The following NTRK3 variants were observed in gnomAD, a reference collection of about 807,000 sequenced individuals.
NTRK3 encodes neurotrophic receptor tyrosine kinase 3.
NTRK3 carries 24 observed loss-of-function variants against 91.7 expected under a neutral mutation model. The ratio of observed to expected loss-of-function variants is 0.26; its 90% confidence interval spans 0.19 to 0.37. The LOEUF (loss-of-function observed/expected upper bound fraction) is 0.37, where lower values mean the gene tolerates loss of function less well. Ranked by LOEUF, NTRK3 falls within the 10% of genes least tolerant of loss-of-function variation. NTRK3 has a pLI of 1.00. For missense variants in NTRK3, 880 were observed against 1,068.9 expected (o/e 0.82, Z 2.46); for synonymous variants, 483 against 404.0 (o/e 1.20, Z -2.34).
intron 13 of NTRK3, among the ~76,000 whole-genome samples, chr15:88,092,554 G>T (rs2049120501): frequency 6.6e-6 from 1 of 152,170 alleles, no homozygotes; most frequent in African/African-American, 2.4e-5. Flanking sequence ...TGTCCCAATA[G>T]TATGAAGGTG....
At chr15:88,144,448 T>C (rs1250960857) in intron 6 of NTRK3, among the ~76,000 whole-genome samples, 8 of 151,938 alleles carry the variant, frequency 5.3e-5, no homozygotes, top group Admixed American at 2.0e-4. Context: ...GATGGTAACT[T>C]GTTTGTTTTT....
chr15:88,193,553 A>T (rs1407733350), intron 3 of NTRK3, among the ~76,000 whole-genome samples: 1 of 152,130 alleles, frequency 6.6e-6, no homozygotes, highest in African/African-American at 2.4e-5. Context: ...TCACCAAAGC[A>T]TGAGTTTTCT....
intron 13 of NTRK3, among the ~76,000 whole-genome samples, chr15:88,107,437 C>T (rs1385607621): frequency 4.6e-5 from 7 of 152,242 alleles, no homozygotes; most frequent in East Asian, 1.9e-4. Context: ...AGTGAAACCA[C>T]GTCTCAAAAA....
At chr15:88,033,216 A>ATATATATATATATATATATATATAT (rs1567262261) in intron 13 of NTRK3, among the ~76,000 whole-genome samples, 171 bp from the exon 14 acceptor site, 4 of 122,002 alleles carry the variant, frequency 3.3e-5, no homozygotes, top group African/African-American at 9.6e-5. Context: ...ATATATATAT[A>ATATATATATATATATATATATATAT]AATTCAGTTG....
At chr15:87,862,007 C>T (rs1353498580) in exon 19 of NTRK3, 2 of 213,646 alleles carry the variant, frequency 9.4e-6, no homozygotes, top group East Asian at 1.4e-4. Context: ...CCCATAGGTC[C>T]TTTCTGTACA....
chr15:88,253,861 C>T (rs937628400), intron 3 of NTRK3, among the ~76,000 whole-genome samples: 2 of 152,182 alleles, frequency 1.3e-5, no homozygotes, highest in Admixed American at 6.5e-5. Context: ...CCCCAGTCCC[C>T]TCCCATCACA....
At chr15:87,946,283 A>T (rs2070487805) in intron 14 of NTRK3, 1 of 152,178 alleles carries the variant, frequency 6.6e-6, no homozygotes, top group Non-Finnish European at 1.5e-5. Flanking sequence ...GAATAAAGAC[A>T]TCAAAAGGCA....
intron 3 of NTRK3, among the ~76,000 whole-genome samples, chr15:88,242,551 T>C (rs1005204489): frequency 6.6e-6 from 1 of 152,226 alleles, no homozygotes; most frequent in African/African-American, 2.4e-5. Context: ...GTCTAATACC[T>C]GCCTCCCTCC....
Position 87,900,412 on chromosome 15 carries a change from A to C in NTRK3, c.2134-19984T>G, listed in dbSNP as rs78318282. On this transcript the variant is annotated intron_variant, in intron 17 of 18. Transcript: ENST00000394480. ...AAGATAAACCAGGAACCTTAGTGAA[A>C]AGAGCACTGGATTCAGACTCAGGTC... Among the ~76,000 whole-genome samples, 835 of 152,254 alleles carry C rather than the reference A, an allele frequency of 5.5e-3. 13 individuals carry two copies. Among genetic ancestry groups the C allele is most frequent in the East Asian group, 0.025 (132 of 5,180 alleles).
At chr15:88,008,161 C>G (rs2076622024) in intron 14 of NTRK3, among the ~76,000 whole-genome samples, 1 of 152,188 alleles carries the variant, frequency 6.6e-6, no homozygotes. Flanking sequence ...AATCCTAAAA[C>G]TCACAGAGAG....
intron 13 of NTRK3, among the ~76,000 whole-genome samples, chr15:88,124,006 C>G (rs1044159802): frequency 6.6e-6 from 1 of 152,126 alleles, no homozygotes; most frequent in African/African-American, 2.4e-5. Flanking sequence ...TTCAGGTTAA[C>G]TTTGGGATGC....
At chr15:88,221,622 C>A (rs1598031592) in intron 3 of NTRK3, among the ~76,000 whole-genome samples, 1 of 152,078 alleles carries the variant, frequency 6.6e-6, no homozygotes, top group Non-Finnish European at 1.5e-5. Flanking sequence ...GGAACCTCAT[C>A]TCTATTTAAA....
chr15:88,136,442 TG>T, intron 8 of NTRK3, 24 bp downstream of exon 8: 1 of 1,614,080 alleles, frequency 6.2e-7, no homozygotes, highest in South Asian at 1.1e-5. Flanking sequence ...AGCCTCCTGA[TG>T]GGGCTGAAGC....
chr15:87,954,619 C>A (rs1326135344), intron 14 of NTRK3, among the ~76,000 whole-genome samples: 3 of 152,306 alleles, frequency 2.0e-5, no homozygotes, highest in African/African-American at 7.2e-5. Context: ...TGCAACAGAG[C>A]AAAACCACTT....
chr15:87,903,264 A>G (rs1294707697), intron 17 of NTRK3, among the ~76,000 whole-genome samples: 1 of 152,236 alleles, frequency 6.6e-6, no homozygotes, highest in Non-Finnish European at 1.5e-5. Flanking sequence ...ATTTCTCATG[A>G]GTCATTTGTC....
intron 16 of NTRK3, among the ~76,000 whole-genome samples, chr15:87,932,393 G>A (rs547764818): frequency 1.1e-4 from 17 of 152,290 alleles, no homozygotes; most frequent in South Asian, 4.1e-4. Flanking sequence ...GAACTAGTGC[G>A]ACTGAATTTT....
chr15:88,090,626 G>A (rs1432734531), intron 13 of NTRK3, among the ~76,000 whole-genome samples: 3 of 152,080 alleles, frequency 2.0e-5, no homozygotes, highest in Non-Finnish European at 1.5e-5. Flanking sequence ...ACTCCCTGGG[G>A]TGTCATGTCA....
At chr15:87,899,699 A>AT (rs1439441098) in intron 17 of NTRK3, among the ~76,000 whole-genome samples, 4 of 152,230 alleles carry the variant, frequency 2.6e-5, no homozygotes, top group Admixed American at 1.3e-4. Context: ...AATACATAGC[A>AT]CAGCAGAAAC....
chr15:88,231,477 A>G (rs1400582475), intron 3 of NTRK3, among the ~76,000 whole-genome samples: 1 of 152,050 alleles, frequency 6.6e-6, no homozygotes, highest in Non-Finnish European at 1.5e-5. Context: ...ATACACACAC[A>G]CACACACACA....
Sources: gnomAD v4.1 joint callset for allele counts (sites outside exome capture counted in the v4.1 genomes callset) on GRCh38, gnomAD v4.1.1 for gene constraint, MANE v1.5 for transcripts, NCBI Gene and HGNC (gene_info 2026-07-23, HGNC 2026-07-21) for gene names.